SEZ6L: variants seen among roughly 807,000 people sequenced by gnomAD.
SEZ6L encodes seizure related 6 homolog like.
Under a neutral mutation model 106.2 loss-of-function variants are expected in SEZ6L, and 37 were observed. The ratio of observed to expected loss-of-function variants is 0.35; its 90% confidence interval spans 0.27 to 0.46. The LOEUF (loss-of-function observed/expected upper bound fraction) is 0.46, where lower values mean the gene tolerates loss of function less well. SEZ6L is among the 20% of genes least tolerant of loss of function. SEZ6L has a pLI of 1.00. For synonymous variants in SEZ6L, 541 were observed against 570.4 expected, an observed-to-expected ratio of 0.95 and a Z score of 0.73; for missense variants, 1,172 against 1,332.8, an observed-to-expected ratio of 0.88 and a Z score of 1.88.
intron 13 of SEZ6L, among the ~76,000 whole-genome samples, chr22:26,370,234 A>G (rs867440442): frequency 4.6e-5 from 7 of 152,090 alleles, no homozygotes; most frequent in Middle Eastern, 3.4e-3. Context: ...TACAAAAAAA[A>G]TTTAGCCGGG....
chr22:26,278,851 G>GAAGAA (rs777804126), intron 1 of SEZ6L, among the ~76,000 whole-genome samples: 14,169 of 141,170 alleles, frequency 0.1, 742 homozygotes, highest in Middle Eastern at 0.15. Context: ...AGGAAAGAAA[G>GAAGAA]AAGAAAAGAA....
rs766005169 is a variant in SEZ6L at position 26,292,584 on chromosome 22, TGCACATCACGACATCCCA to T, written c.276_293del (p.His93_Ala98del). The T allele has an allele frequency of 1.2e-6, 2 of 1,613,792 alleles. No homozygotes were observed. The highest frequency in any genetic ancestry group is 1.7e-6 in the Non-Finnish European group (2 of 1,179,896). On this transcript the variant is annotated inframe_deletion, in exon 2 of 17. Transcript: ENST00000248933. ...TGGTGCTGGATGGGACCGCACCCTC[TGCACATCACGACATCCCA>T]GCCCTGTCACCGCTGCTTCCAGAGG...
chr22:26,298,739 T>A (rs1379863754), intron 4 of SEZ6L, among the ~76,000 whole-genome samples: 3 of 152,208 alleles, frequency 2.0e-5, no homozygotes, highest in African/African-American at 7.2e-5. Context: ...AACTCATTTT[T>A]CATCCCAAAC....
chr22:26,266,367 T>C (rs908180812), intron 1 of SEZ6L, among the ~76,000 whole-genome samples: 7 of 150,252 alleles, frequency 4.7e-5, no homozygotes, highest in Admixed American at 4.6e-4. Context: ...GAGACCATCC[T>C]GGCTAACACA....
chr22:26,230,917 G>A (rs796575377), intron 1 of SEZ6L, among the ~76,000 whole-genome samples: 6 of 152,348 alleles, frequency 3.9e-5, no homozygotes, highest in African/African-American at 1.4e-4. Flanking sequence ...CAGTGACCTA[G>A]GGACAAGTCG....
Position 26,331,974 on chromosome 22 carries a change from G to C in SEZ6L, c.2016-8462G>C, listed in dbSNP as rs145417302. On this transcript the variant is annotated intron_variant, in intron 9 of 16. Coordinates refer to ENST00000248933, the MANE Select transcript of SEZ6L (RefSeq NM_021115.5). ...CACTCCAGCCCGGGCAACAGAGCAA[G>C]ACTGTGTCTCAAAAAAGAATTTAAT... is the stretch of plus-strand genomic sequence containing the variant. Among the ~76,000 whole-genome samples the C allele has an allele frequency of 2.5e-3, 381 of 151,978 alleles. 1 individual carries two copies. Among genetic ancestry groups the C allele is most frequent in the African/African-American group, 8.8e-3 (365 of 41,458 alleles).
chr22:26,187,724 C>T (rs781007133), intron 1 of SEZ6L, among the ~76,000 whole-genome samples: 3 of 152,252 alleles, frequency 2.0e-5, no homozygotes, highest in Non-Finnish European at 4.4e-5. Flanking sequence ...TCCCAAACCC[C>T]GATCAGACTG....
chr22:26,278,427 C>A (rs984340953), intron 1 of SEZ6L, among the ~76,000 whole-genome samples: 3 of 152,094 alleles, frequency 2.0e-5, no homozygotes, highest in African/African-American at 7.2e-5. Context: ...AGTTTTCAAC[C>A]CTCACCCGTC....
In SEZ6L at chr22:26,347,674, A is replaced by G. The variant is rs1280401213; in HGVS notation, c.2213-45A>G. 4 of 1,532,632 alleles carry G rather than the reference A, an allele frequency of 2.6e-6. No homozygotes were observed. In the African/African-American group the frequency reaches 4.3e-5, roughly 16 times the overall value. The allele number at this position is 1,532,632 out of a possible 1,614,324, so 94.9% of individuals were successfully genotyped here. On this transcript the variant is annotated intron_variant, in intron 10 of 16. Coordinates refer to ENST00000248933, the MANE Select transcript of SEZ6L (RefSeq NM_021115.5). ...GCCGTCATAAAAGGAGGCCCCGACAACAAGACTGCTTCCCCCATCTAAGAC... is the reference window on the plus strand; with the variant it reads ...GCCGTCATAAAAGGAGGCCCCGACAGCAAGACTGCTTCCCCCATCTAAGAC...
At chr22:26,329,340 T>C (rs1460675213) in intron 9 of SEZ6L, among the ~76,000 whole-genome samples, 1 of 152,046 alleles carries the variant, frequency 6.6e-6, no homozygotes, top group Non-Finnish European at 1.5e-5. Context: ...TGGTGGTGGG[T>C]GCCTGTAGTT....
At chr22:26,169,978 C>G (rs1222337529) in intron 1 of SEZ6L, among the ~76,000 whole-genome samples, 5 of 152,110 alleles carry the variant, frequency 3.3e-5, no homozygotes, top group South Asian at 2.1e-4. Context: ...CGGGCGCTTC[C>G]CTGCTTCGGC....
At chr22:26,238,863 C>T (rs771559666) in intron 1 of SEZ6L, among the ~76,000 whole-genome samples, 5 of 152,138 alleles carry the variant, frequency 3.3e-5, no homozygotes, top group Admixed American at 6.5e-5. Context: ...CTCTGCCTCT[C>T]GAATAACTAG....
At chr22:26,363,596 A>G (rs1320393255) in intron 12 of SEZ6L, among the ~76,000 whole-genome samples, 1 of 152,214 alleles carries the variant, frequency 6.6e-6, no homozygotes, top group Non-Finnish European at 1.5e-5. Flanking sequence ...TTGGGGAGCA[A>G]TCTGGGTCTT....
At chr22:26,239,767 T>G (rs1425469622) in intron 1 of SEZ6L, among the ~76,000 whole-genome samples, 1 of 151,840 alleles carries the variant, frequency 6.6e-6, no homozygotes. Context: ...TAAAACATTC[T>G]CTTTTCACTT....
At chr22:26,219,604 G>A (rs1569391974) in intron 1 of SEZ6L, among the ~76,000 whole-genome samples, 1 of 152,002 alleles carries the variant, frequency 6.6e-6, no homozygotes, top group Non-Finnish European at 1.5e-5. Flanking sequence ...AAAAATCTGA[G>A]GCCATGAGAA....
chr22:26,290,868 G>A (rs2081087419), intron 1 of SEZ6L, among the ~76,000 whole-genome samples: 1 of 152,202 alleles, frequency 6.6e-6, no homozygotes, highest in African/African-American at 2.4e-5. Context: ...CCTCTGTTCT[G>A]AATCTGCCTC....
intron 12 of SEZ6L, among the ~76,000 whole-genome samples, chr22:26,361,534 T>TAC (rs2083634834): frequency 6.7e-5 from 10 of 149,336 alleles, no homozygotes; most frequent in African/African-American, 2.4e-4. Flanking sequence ...TATATATATA[T>TAC]ATATGTATTA....
intron 9 of SEZ6L, among the ~76,000 whole-genome samples, chr22:26,318,006 G>A (rs940607316): frequency 4.6e-5 from 7 of 152,010 alleles, no homozygotes; most frequent in African/African-American, 1.4e-4. Flanking sequence ...AGGGGTCTGC[G>A]ATGAATTAGG....
At chr22:26,206,476 A>G (rs964426983) in intron 1 of SEZ6L, among the ~76,000 whole-genome samples, 1 of 152,234 alleles carries the variant, frequency 6.6e-6, no homozygotes, top group African/African-American at 2.4e-5. Flanking sequence ...AGTAGATACC[A>G]TCCCCATTTT....
Sources: allele counts gnomAD v4.1 joint callset (sites outside exome capture counted in the v4.1 genomes callset), GRCh38; gene constraint gnomAD v4.1.1; transcripts MANE v1.5; gene names NCBI Gene and HGNC (gene_info 2026-07-23, HGNC 2026-07-21).